Variants in VEPH1 observed in about 807,000 individuals in gnomAD.
VEPH1 encodes the protein ventricular zone-expressed PH domain-containing protein homolog 1.
In VEPH1, 80 loss-of-function variants were observed where a neutral mutation model predicts 85.2. The observed-to-expected ratio is 0.94, with a 90% CI of 0.78 to 1.13. VEPH1 has a LOEUF of 1.13. Ranked by LOEUF, VEPH1 falls within the 50% of genes most tolerant of loss-of-function variation. The probability of loss-of-function intolerance (pLI) is 0.00; values close to 1 mark genes in which losing one functional copy is unlikely to be tolerated. For missense variants in VEPH1, 955 were observed against 980.5 expected (o/e 0.97, Z 0.35); for synonymous variants, 297 against 348.0 (o/e 0.85, Z 1.63).
intron 6 of VEPH1, among the ~76,000 whole-genome samples, chr3:157,388,137 A>G (rs1729497711): frequency 6.6e-6 from 1 of 152,198 alleles, no homozygotes; most frequent in African/African-American, 2.4e-5. Flanking sequence ...CATCAAAGAT[A>G]CACTTGCAAG....
In VEPH1 at chr3:157,495,383, A is replaced by C; in HGVS notation, c.-34T>G. The C allele has an allele frequency of 6.2e-7, 1 of 1,610,352 alleles. No homozygotes were observed. The highest frequency in any genetic ancestry group is 8.5e-7 in the Non-Finnish European group (1 of 1,178,242). ...TGAGTTTGATCAGTTGACTTTCTAC[A>C]GACCCAGAGTCATGTGTTCCAGTTA... is the stretch of plus-strand genomic sequence containing the variant. On this transcript the variant is annotated 5_prime_UTR_variant, in exon 2 of 14. Coordinates refer to ENST00000362010, the MANE Select transcript of VEPH1 (RefSeq NM_001167912.2).
intron 5 of VEPH1, among the ~76,000 whole-genome samples, chr3:157,419,247 A>G (rs1732151483): frequency 6.6e-6 from 1 of 152,212 alleles, no homozygotes; most frequent in South Asian, 2.1e-4. Context: ...AATCGAGGCA[A>G]TACTATTCAG....
intron 4 of VEPH1, among the ~76,000 whole-genome samples, chr3:157,444,338 T>A (rs3911403): frequency 0.18 from 26,638 of 152,216 alleles, 4,787 homozygotes; most frequent in African/African-American, 0.45. Flanking sequence ...ACTCCTCTGC[T>A]TCTTCTCAGT....
At chr3:157,313,151 G>A (rs1182042162) in intron 11 of VEPH1, among the ~76,000 whole-genome samples, 5 of 151,666 alleles carry the variant, frequency 3.3e-5, no homozygotes, top group Admixed American at 1.3e-4. Context: ...TGATCCGCCC[G>A]CCTCGGCCTC....
At chr3:157,465,519 A>G (rs1246211936) in intron 3 of VEPH1, among the ~76,000 whole-genome samples, 1 of 152,204 alleles carries the variant, frequency 6.6e-6, no homozygotes, top group Non-Finnish European at 1.5e-5. Context: ...TAAGGCCTGG[A>G]AAGATTAATT....
At chr3:157,284,666 G>GA (rs61514930) in intron 12 of VEPH1, among the ~76,000 whole-genome samples, 33,368 of 131,340 alleles carry the variant, frequency 0.25, 3,796 homozygotes, top group Non-Finnish European at 0.3. Context: ...AAGGGTTTTG[G>GA]TGAAAAAAAA....
chr3:157,495,404 A>C lies in VEPH1; in HGVS notation c.-55T>G. On this transcript the variant is annotated 5_prime_UTR_variant, in exon 2 of 14. Coordinates refer to ENST00000362010, the MANE Select transcript of VEPH1 (RefSeq NM_001167912.2). ...CTACAGACCCAGAGTCATGTGTTCC[A>C]GTTATCAGAGGTCAGTAAGACAAAA... is the stretch of plus-strand genomic sequence containing the variant. The C allele has an allele frequency of 6.3e-7, 1 of 1,598,082 alleles. No individual in the cohort carries two copies. The highest frequency in any genetic ancestry group is 8.5e-7 in the Non-Finnish European group (1 of 1,172,672).
At chr3:157,315,997 C>T (rs1190475415) in intron 10 of VEPH1, 1 of 151,988 alleles carries the variant, frequency 6.6e-6, no homozygotes, top group Admixed American at 6.5e-5. Flanking sequence ...GTGAGTTGTT[C>T]TCTATGAGAT....
chr3:157,285,869 A>G (rs542826331), intron 12 of VEPH1, among the ~76,000 whole-genome samples: 2 of 152,194 alleles, frequency 1.3e-5, no homozygotes, highest in Non-Finnish European at 2.9e-5. Context: ...GGCAGTTACC[A>G]TACCTCTCTG....
intron 4 of VEPH1, chr3:157,437,208 A>C (rs1733668157): frequency 1.7e-6 from 2 of 1,171,928 alleles, no homozygotes; most frequent in Non-Finnish European, 2.5e-6. Flanking sequence ...TTGAAGAAAG[A>C]TGGAGGTTTC....
intron 13 of VEPH1, among the ~76,000 whole-genome samples, chr3:157,263,281 TTG>T (rs1260037811): frequency 6.6e-6 from 1 of 152,190 alleles, no homozygotes; most frequent in Non-Finnish European, 1.5e-5. Flanking sequence ...GCCGCAAGTT[TTG>T]TCAGAGTTAT....
intron 9 of VEPH1, among the ~76,000 whole-genome samples, chr3:157,342,926 T>A (rs1412106301): frequency 2.0e-5 from 3 of 152,202 alleles, no homozygotes; most frequent in Non-Finnish European, 4.4e-5. Flanking sequence ...CCTGAATGAC[T>A]ACTGGGTACA....
chr3:157,452,830 G>A (rs1022805027), intron 4 of VEPH1, among the ~76,000 whole-genome samples: 3 of 152,138 alleles, frequency 2.0e-5, no homozygotes, highest in African/African-American at 7.2e-5. Flanking sequence ...ATGATATAGT[G>A]GACATTTGTG....
chr3:157,492,707 T>C (rs907385706), intron 2 of VEPH1, among the ~76,000 whole-genome samples: 2 of 152,156 alleles, frequency 1.3e-5, no homozygotes, highest in African/African-American at 4.8e-5. Context: ...AGGAACATGT[T>C]AACAATTTGA....
At chr3:157,349,399 A>G (rs896963821) in intron 9 of VEPH1, among the ~76,000 whole-genome samples, 1 of 152,234 alleles carries the variant, frequency 6.6e-6, no homozygotes, top group Admixed American at 6.5e-5. Flanking sequence ...AATAAAAGCC[A>G]TATATGACGA....
chr3:157,269,566 AAAAAC>A (rs746412994), intron 12 of VEPH1, among the ~76,000 whole-genome samples: 2 of 152,232 alleles, frequency 1.3e-5, no homozygotes, highest in Admixed American at 6.5e-5. Flanking sequence ...AATAATTTCA[AAAAAC>A]AAAACAAAAT....
At chr3:157,413,785 G>A (rs1244509500) in intron 6 of VEPH1, 96 bp downstream of exon 6, 2 of 1,434,034 alleles carry the variant, frequency 1.4e-6, no homozygotes, top group East Asian at 2.3e-5. Context: ...GAAATTCCAG[G>A]ACAAATTTGC....
chr3:157,474,404 G>T (rs1178805714), intron 2 of VEPH1, among the ~76,000 whole-genome samples: 2 of 150,342 alleles, frequency 1.3e-5, no homozygotes, highest in Non-Finnish European at 1.5e-5. Context: ...GTTCCTTTTG[G>T]TTTACATTTA....
intron 4 of VEPH1, among the ~76,000 whole-genome samples, chr3:157,429,779 A>C (rs2120243): frequency 0.59 from 90,381 of 152,050 alleles, 27,096 homozygotes; most frequent in East Asian, 0.67. Flanking sequence ...GTAAAGCCCA[A>C]GTTAGATTAT....
Sources: allele counts gnomAD v4.1 joint callset (sites outside exome capture counted in the v4.1 genomes callset), GRCh38; gene constraint gnomAD v4.1.1; transcripts MANE v1.5; gene names NCBI Gene and HGNC (gene_info 2026-07-23, HGNC 2026-07-21).